The following RPS6KA5 variants were observed in gnomAD, a reference collection of about 807,000 sequenced individuals.
RPS6KA5 encodes the protein ribosomal protein S6 kinase alpha-5.
In RPS6KA5, 27 loss-of-function variants were observed where a neutral mutation model predicts 85.5. The ratio of observed to expected loss-of-function variants is 0.32; its 90% confidence interval spans 0.23 to 0.44. The LOEUF is 0.44. RPS6KA5 is among the 20% of genes least tolerant of loss of function. The pLI is 1.00. For missense variants in RPS6KA5, 811 were observed against 980.9 expected (o/e 0.83, Z 2.31); for synonymous variants, 334 against 348.2 (o/e 0.96, Z 0.46).
chr14:90,951,462 G>A (rs986128092), intron 3 of RPS6KA5, among the ~76,000 whole-genome samples: 1 of 152,112 alleles, frequency 6.6e-6, no homozygotes, highest in African/African-American at 2.4e-5. Context: ...GCGACAGAGT[G>A]AGACTCCATC....
At chr14:90,909,337 G>T (rs1039118331) in intron 7 of RPS6KA5, among the ~76,000 whole-genome samples, 1 of 152,108 alleles carries the variant, frequency 6.6e-6, no homozygotes, top group Non-Finnish European at 1.5e-5. Context: ...ATGGATCTGG[G>T]AAACTCCAGA....
At chr14:90,887,623 A>G (rs1306093840) in intron 14 of RPS6KA5, among the ~76,000 whole-genome samples, 2 of 152,110 alleles carry the variant, frequency 1.3e-5, no homozygotes, top group Non-Finnish European at 2.9e-5. Context: ...TATATAAATT[A>G]GATCTATATG....
Position 90,856,722 on chromosome 14 carries a change from T to C in RPS6KA5, c.*15352A>G, listed in dbSNP as rs1359647709. 1 of 152,328 alleles carries C rather than the reference T, an allele frequency of 6.6e-6. No homozygotes were observed. The highest frequency in any genetic ancestry group is 2.4e-5 in the African/African-American group (1 of 41,452). The allele number at this position is 152,328 out of a possible 1,614,324, so 9.4% of individuals were successfully genotyped here. ...ATTTTAAGTGTACCATTCATTGTTT[T>C]TTACTACATTTACAATGTCTTGCAA... On this transcript the variant is annotated 3_prime_UTR_variant, in exon 17 of 17. Transcript: ENST00000614987.
chr14:90,883,085 T>C (rs2033962766), intron 14 of RPS6KA5, among the ~76,000 whole-genome samples: 3 of 152,066 alleles, frequency 2.0e-5, no homozygotes, highest in Admixed American at 2.0e-4. Flanking sequence ...GGTGTTTCAT[T>C]ATAATGTGTT....
intron 1 of RPS6KA5, among the ~76,000 whole-genome samples, chr14:91,018,761 T>C (rs1025121341): frequency 6.6e-6 from 1 of 152,042 alleles, no homozygotes; most frequent in Admixed American, 6.6e-5. Flanking sequence ...GAACTACTAC[T>C]GGCTTCTTTC....
At chr14:90,965,113 C>T (rs909608800) in intron 3 of RPS6KA5, among the ~76,000 whole-genome samples, 1 of 152,046 alleles carries the variant, frequency 6.6e-6, no homozygotes, top group Non-Finnish European at 1.5e-5. Context: ...GTTCTCGTAT[C>T]GGCTGGGCGC....
At chr14:90,907,905 G>T (rs2035598385) in intron 7 of RPS6KA5, among the ~76,000 whole-genome samples, 1 of 152,114 alleles carries the variant, frequency 6.6e-6, no homozygotes, top group African/African-American at 2.4e-5. Context: ...CACCTCTACT[G>T]TACTTTTTGC....
chr14:90,995,810 T>C (rs145539981), intron 2 of RPS6KA5, among the ~76,000 whole-genome samples: 1 of 152,282 alleles, frequency 6.6e-6, no homozygotes, highest in East Asian at 1.9e-4. Flanking sequence ...CTACATGCAG[T>C]GACTCATGCC....
At chr14:91,034,273 C>G (rs1205752629) in intron 1 of RPS6KA5, among the ~76,000 whole-genome samples, 3 of 150,964 alleles carry the variant, frequency 2.0e-5, no homozygotes, top group Non-Finnish European at 4.4e-5. Flanking sequence ...CCATTGCACT[C>G]CAGCCTGGGA....
At chr14:90,899,550 A>T in intron 11 of RPS6KA5, 128 bp from the exon 12 acceptor site, 1 of 603,498 alleles carries the variant, frequency 1.7e-6, no homozygotes, top group Non-Finnish European at 2.9e-6. Flanking sequence ...TACTGTAATG[A>T]GGTTTCCATG....
chr14:91,021,572 C>T (rs2041784494), intron 1 of RPS6KA5, among the ~76,000 whole-genome samples: 1 of 152,122 alleles, frequency 6.6e-6, no homozygotes, highest in Admixed American at 6.6e-5. Context: ...GCCACCATGC[C>T]TGGTTAATTT....
In RPS6KA5 at chr14:91,059,263, C is replaced by A. The variant is rs531037232; in HGVS notation, c.103+1069G>T. Among the ~76,000 whole-genome samples the A allele has an allele frequency of 3.2e-3, 480 of 149,858 alleles. 3 individuals are homozygous for A. Among genetic ancestry groups the A allele is most frequent in the African/African-American group, 0.012 (467 of 40,462 alleles). On this transcript the variant is annotated intron_variant, in intron 1 of 16. Transcript: ENST00000614987. The stretch of plus-strand genomic sequence containing the variant: ...GCTGAGGCAGGAGAATCGCTTGAAC[C>A]CGGGAGGCGGAGGCTGCGGTGAGCC...
chr14:91,021,617 T>C (rs900598048), intron 1 of RPS6KA5, among the ~76,000 whole-genome samples: 1 of 152,204 alleles, frequency 6.6e-6, no homozygotes, highest in African/African-American at 2.4e-5. Context: ...TTCATCATAC[T>C]GGTCAGGCTG....
intron 3 of RPS6KA5, among the ~76,000 whole-genome samples, chr14:90,958,811 T>C (rs1361173885): frequency 6.6e-6 from 1 of 151,780 alleles, no homozygotes; most frequent in Admixed American, 6.6e-5. Context: ...AATAAGTAAA[T>C]TAGATATTAT....
intron 5 of RPS6KA5, among the ~76,000 whole-genome samples, chr14:90,925,541 A>G (rs1247786879): frequency 6.6e-6 from 1 of 152,124 alleles, no homozygotes; most frequent in Non-Finnish European, 1.5e-5. Flanking sequence ...ACACCCTGGG[A>G]CACATGATAG....
At chr14:90,880,996 G>A (rs2033801133) in intron 14 of RPS6KA5, among the ~76,000 whole-genome samples, 1 of 151,694 alleles carries the variant, frequency 6.6e-6, no homozygotes, top group African/African-American at 2.4e-5. Flanking sequence ...TACTACATCT[G>A]GTTAATTTTT....
Position 90,872,112 on chromosome 14 carries a change from G to C in RPS6KA5, c.2371C>G (p.Pro791Ala), listed in dbSNP as rs2033150891. The C allele has an allele frequency of 1.9e-6, 3 of 1,613,712 alleles. No homozygotes were observed. Among genetic ancestry groups the C allele is most frequent in the Admixed American group, 1.7e-5 (1 of 59,954 alleles). The change falls in exon 17 of 17, where the codon CCG (proline) becomes GCG (alanine). Residue 791 changes from proline to alanine, a missense_variant. Pro to Ala is a conservative substitution (Grantham distance 27, BLOSUM62 -1). This residue lies in a region of RPS6KA5 where 650 missense variants were observed against 793.4 expected (regional missense o/e 0.82). Transcript: ENST00000614987. The part of the protein sequence containing the change: ...QPSNPADSNN[P>A]ETLFQFSDSV... ...TCCGAGAACTGGAAGAGGGTCTCCG[G>C]GTTATTGCTGTCGGCAGGATTGCTG...
chr14:90,892,941 A>T (rs1388976551), intron 13 of RPS6KA5, among the ~76,000 whole-genome samples: 2 of 152,234 alleles, frequency 1.3e-5, no homozygotes, highest in African/African-American at 4.8e-5. Context: ...GAGTATTTGA[A>T]AGAAAAGCCT....
At chr14:91,002,914 C>A (rs1240454821) in intron 1 of RPS6KA5, among the ~76,000 whole-genome samples, 1 of 152,006 alleles carries the variant, frequency 6.6e-6, no homozygotes, top group Non-Finnish European at 1.5e-5. Context: ...CATGGCCCAG[C>A]CTAGAGTTCA....
Sources: gnomAD v4.1 joint callset for allele counts (sites outside exome capture counted in the v4.1 genomes callset) on GRCh38, gnomAD v4.1.1 for gene constraint, gnomAD v4.1.1 regional missense constraint, MANE v1.5 for transcripts, NCBI Gene and HGNC (gene_info 2026-07-23, HGNC 2026-07-21) for gene names.